The following LDHC variants were observed in gnomAD, a reference collection of about 807,000 sequenced individuals.
LDHC encodes lactate dehydrogenase C.
LDHC carries 20 observed loss-of-function variants against 30.2 expected under a neutral mutation model. That is an observed-to-expected ratio of 0.66 (90% CI 0.47 to 0.96). LDHC has a LOEUF of 0.96. LDHC is among the 40% of genes least tolerant of loss of function. The pLI is 0.00. For synonymous variants in LDHC, 139 were observed against 132.7 expected (o/e 1.05, Z -0.32); for missense variants, 362 against 394.9 (o/e 0.92, Z 0.71).
chr11:18,420,507 GAGTA>G (rs1867100994), intron 3 of LDHC, among the ~76,000 whole-genome samples: 1 of 151,974 alleles, frequency 6.6e-6, no homozygotes, highest in African/African-American at 2.4e-5. Context: ...GCTGAGGGAG[GAGTA>G]AGTGTCAATC....
intron 5 of LDHC, among the ~76,000 whole-genome samples, chr11:18,436,141 C>T (rs1848349824): frequency 6.6e-6 from 1 of 152,114 alleles, no homozygotes; most frequent in African/African-American, 2.4e-5. Context: ...TCAGCCAGAG[C>T]CTTACTTTGA....
chr11:18,449,428 T>TAAAAAAAA lies in LDHC; in HGVS notation c.835-1509_835-1502dup, dbSNP rs557136321. Among the ~76,000 whole-genome samples, 262 of 48,446 alleles carry TAAAAAAAA rather than the reference T, an allele frequency of 5.4e-3. 24 individuals carry two copies. The highest frequency in any genetic ancestry group is 0.027 in the East Asian group (33 of 1,244). 31.8% of individuals were successfully genotyped at this position (48,446 alleles called of 152,430 possible). ...GGTGACACAGCGAGACACTGTCTCC[T>TAAAAAAAA]AAAAAAAAAAAAAAAAAAAAAAAAA... On this transcript the variant is annotated intron_variant, in intron 7 of 7. Coordinates refer to ENST00000541669, the MANE Select transcript of LDHC (RefSeq NM_017448.5).
intron 1 of LDHC, 36 bp from the exon 2 acceptor site, chr11:18,412,673 G>A (rs778851335): frequency 1.5e-5 from 24 of 1,587,608 alleles, no homozygotes; most frequent in Non-Finnish European, 2.1e-5. Context: ...GATGTTCAGT[G>A]TGGTTAATCC....
At chr11:18,449,482 C>A (rs779986293) in intron 7 of LDHC, among the ~76,000 whole-genome samples, 1 of 130,176 alleles carries the variant, frequency 7.7e-6, no homozygotes, top group Non-Finnish European at 1.6e-5. Context: ...AAGTGAATTG[C>A]GAATTTCAGT....
chr11:18,431,424 T>C (rs967470121), intron 4 of LDHC, among the ~76,000 whole-genome samples: 20 of 152,224 alleles, frequency 1.3e-4, no homozygotes, highest in African/African-American at 4.8e-4. Flanking sequence ...ATCGCACCAT[T>C]GCATTCCAGC....
At chr11:18,445,052 A>T (rs1217953781) in intron 6 of LDHC, among the ~76,000 whole-genome samples, 1 of 152,150 alleles carries the variant, frequency 6.6e-6, no homozygotes, top group African/African-American at 2.4e-5. Flanking sequence ...CATAATGTTT[A>T]GTATTGTGCT....
chr11:18,450,888 C>A, intron 7 of LDHC, 75 bp from the exon 8 acceptor site: 1 of 1,114,698 alleles, frequency 9.0e-7, no homozygotes, highest in Non-Finnish European at 1.3e-6. Context: ...CCTGTATACT[C>A]TCATTTTGAT....
At position 18,434,787 on chromosome 11, in the gene LDHC, A is replaced by G. The variant is rs1848326947; in HGVS notation, c.466A>G (p.Thr156Ala). 6.2e-7 allele frequency: 1 copy of G among 1,610,104 alleles called. No homozygotes were observed. The highest frequency in any genetic ancestry group is 1.1e-5 in the South Asian group (1 of 90,986). ...IVWKISGLPV[T>A]RVIGSGCNLD... ...CTGGAAGATAAGTGGCTTACCTGTA[A>G]CTCGTGTAATTGGAAGTGGTTGTAA... Residue 156 changes from threonine to alanine, a missense_variant, in exon 5 of 8, where the codon ACT (threonine) becomes GCT (alanine). Thr to Ala is a moderately conservative substitution (Grantham distance 58, BLOSUM62 0). Transcript: ENST00000541669.
intron 5 of LDHC, among the ~76,000 whole-genome samples, chr11:18,436,420 T>C (rs1309303334): frequency 6.6e-6 from 1 of 151,962 alleles, no homozygotes; most frequent in Non-Finnish European, 1.5e-5. Context: ...CTATAAATTT[T>C]TAACATTCAT....
chr11:18,413,064 CT>C (rs1031999039), intron 2 of LDHC, among the ~76,000 whole-genome samples: 5 of 125,458 alleles, frequency 4.0e-5, no homozygotes, highest in Non-Finnish European at 6.8e-5. Context: ...CTTTTCCTTT[CT>C]TTTTTTTTCT....
rs757062357 is a variant in LDHC at position 18,415,307 on chromosome 11, T to C, written c.244+6T>C. On this transcript the variant is annotated splice_donor_region_variant and intron_variant, in intron 3 of 7. Coordinates refer to ENST00000541669, the MANE Select transcript of LDHC (RefSeq NM_017448.5). ...AAAGATTACTTCTGGAAAAGGTTAATTTTAGTTTTATAAAGTTATTTTCAA... is the reference window on the plus strand; with the variant it reads ...AAAGATTACTTCTGGAAAAGGTTAACTTTAGTTTTATAAAGTTATTTTCAA... The C allele has an allele frequency of 7.2e-7, 1 of 1,392,232 alleles. No homozygotes were observed. Among genetic ancestry groups the C allele is most frequent in the African/African-American group, 1.4e-5 (1 of 70,206 alleles). 86.2% of individuals were successfully genotyped at this position (1,392,232 alleles called of 1,614,324 possible).
intron 6 of LDHC, among the ~76,000 whole-genome samples, chr11:18,442,572 TC>T (rs1311157935): frequency 1.3e-5 from 2 of 151,966 alleles, no homozygotes; most frequent in African/African-American, 2.4e-5. Flanking sequence ...ACTGTTTTTT[TC>T]CCCCCTCTAT....
chr11:18,421,297 T>G (rs1848045622), intron 3 of LDHC, among the ~76,000 whole-genome samples: 1 of 151,714 alleles, frequency 6.6e-6, no homozygotes, highest in African/African-American at 2.4e-5. Context: ...TCAGGTGGTC[T>G]GCCCGCTTCG....
chr11:18,450,418 A>T (rs1848635156), intron 7 of LDHC: 1 of 153,354 alleles, frequency 6.5e-6, no homozygotes, highest in Admixed American at 6.6e-5. Context: ...GCAGCTGGTG[A>T]TGAGAGGCAC....
chr11:18,441,284 A>G (rs1386336579), intron 6 of LDHC, among the ~76,000 whole-genome samples: 1 of 152,054 alleles, frequency 6.6e-6, no homozygotes, highest in Non-Finnish European at 1.5e-5. Flanking sequence ...AAAACACAGT[A>G]TAGCATATCA....
intron 5 of LDHC, among the ~76,000 whole-genome samples, chr11:18,436,911 TC>T (rs112305903): frequency 0.15 from 22,711 of 152,080 alleles, 1,878 homozygotes; most frequent in African/African-American, 0.21. Context: ...TGTTCTTATA[TC>T]CCCCAAACTA....
intron 2 of LDHC, among the ~76,000 whole-genome samples, chr11:18,413,417 C>G (rs1365047381): frequency 6.7e-6 from 1 of 150,028 alleles, no homozygotes; most frequent in African/African-American, 2.4e-5. Context: ...TTGTGCCCTC[C>G]TCCCTCTCTG....
chr11:18,447,990 A>C (rs915579645), intron 7 of LDHC, among the ~76,000 whole-genome samples: 2 of 148,850 alleles, frequency 1.3e-5, no homozygotes, highest in African/African-American at 5.0e-5. Flanking sequence ...TACAAGCTGC[A>C]GTGAGCCAAG....
chr11:18,423,366 G>A (rs930539411), intron 3 of LDHC, among the ~76,000 whole-genome samples: 1 of 152,072 alleles, frequency 6.6e-6, no homozygotes. Context: ...GCTAATTCAA[G>A]ACTTATTATA....
Sources: gnomAD v4.1 joint callset for allele counts (sites outside exome capture counted in the v4.1 genomes callset) on GRCh38, gnomAD v4.1.1 for gene constraint, MANE v1.5 for transcripts, NCBI Gene and HGNC (gene_info 2026-07-23, HGNC 2026-07-21) for gene names.